Variants in PDLIM5 observed in about 807,000 individuals in gnomAD.
PDLIM5 encodes the protein PDZ and LIM domain protein 5.
A neutral mutation model predicts 64.2 loss-of-function variants in PDLIM5; 34 were observed. The observed-to-expected ratio is 0.53, with a 90% CI of 0.40 to 0.71. The LOEUF (loss-of-function observed/expected upper bound fraction) is 0.71. Among genes scored for constraint, PDLIM5 ranks in the 30% least tolerant of loss-of-function variants. The pLI is 0.00. For missense variants in PDLIM5, 683 were observed against 733.6 expected, an observed-to-expected ratio of 0.93 and a Z score of 0.80; for synonymous variants, 253 against 269.1, an observed-to-expected ratio of 0.94 and a Z score of 0.59.
At chr4:94,502,812 G>C (rs1172569109) in intron 2 of PDLIM5, among the ~76,000 whole-genome samples, 1 of 152,018 alleles carries the variant, frequency 6.6e-6, no homozygotes, top group African/African-American at 2.4e-5. Context: ...AGGAGGCAGA[G>C]GTTGCAGTGA....
intron 2 of PDLIM5, among the ~76,000 whole-genome samples, chr4:94,462,482 C>A (rs1723986578): frequency 6.6e-6 from 1 of 151,798 alleles, no homozygotes; most frequent in Non-Finnish European, 1.5e-5. Context: ...TAAATCAGTT[C>A]CTATTGATAG....
Position 94,573,410 on chromosome 4 carries a change from G to C in PDLIM5, c.291+17G>C, listed in dbSNP as rs777423811. The C allele has an allele frequency of 6.3e-7, 1 of 1,596,318 alleles. No homozygotes were observed. Among genetic ancestry groups the C allele is most frequent in the Non-Finnish European group, 8.6e-7 (1 of 1,164,242 alleles). Reference sequence around the variant, plus strand: ...GTTCAAAAGGTGTGTTTTTAAGCTAGCACCCAGAGTATCACTTGATTGTCC... The same window carrying C: ...GTTCAAAAGGTGTGTTTTTAAGCTACCACCCAGAGTATCACTTGATTGTCC... On this transcript the variant is annotated intron_variant, in intron 4 of 12. Coordinates refer to ENST00000317968, the MANE Select transcript of PDLIM5 (RefSeq NM_006457.5).
At chr4:94,625,396 TTGATA>T (rs1212985540) in intron 8 of PDLIM5, among the ~76,000 whole-genome samples, 1 of 152,130 alleles carries the variant, frequency 6.6e-6, no homozygotes, top group Non-Finnish European at 1.5e-5. Context: ...TTGATATTAG[TTGATA>T]TGATATTATG....
chr4:94,504,582 G>A (rs1040490067), intron 2 of PDLIM5, among the ~76,000 whole-genome samples: 1 of 152,168 alleles, frequency 6.6e-6, no homozygotes, highest in African/African-American at 2.4e-5. Context: ...GCCGTGCCTG[G>A]CCCGTTACGC....
At chr4:94,545,769 T>C (rs1732256821) in intron 3 of PDLIM5, among the ~76,000 whole-genome samples, 2 of 152,230 alleles carry the variant, frequency 1.3e-5, no homozygotes, top group Non-Finnish European at 2.9e-5. Context: ...TATTGTTGTG[T>C]GCATTTCACA....
chr4:94,544,738 C>T (rs144864579), intron 3 of PDLIM5, among the ~76,000 whole-genome samples: 3 of 152,322 alleles, frequency 2.0e-5, no homozygotes, highest in African/African-American at 7.2e-5. Context: ...TCACTACAAC[C>T]TCCGCCTCTC....
intron 3 of PDLIM5, among the ~76,000 whole-genome samples, chr4:94,546,235 G>C (rs920255877): frequency 3.9e-5 from 6 of 152,072 alleles, no homozygotes; most frequent in African/African-American, 1.4e-4. Context: ...TGTCAGTACT[G>C]TCCCTGGTTA....
intron 3 of PDLIM5, among the ~76,000 whole-genome samples, chr4:94,528,627 T>C (rs1730585007): frequency 6.6e-6 from 1 of 152,220 alleles, no homozygotes; most frequent in South Asian, 2.1e-4. Flanking sequence ...TTCTGAACTC[T>C]TACTATGTGC....
chr4:94,615,476 CAG>C (rs1272560598), intron 7 of PDLIM5, among the ~76,000 whole-genome samples: 1 of 151,412 alleles, frequency 6.6e-6, no homozygotes, highest in Non-Finnish European at 1.5e-5. Flanking sequence ...TGGATGGGTG[CAG>C]AGAGAGAGTA....
At chr4:94,501,756 T>G (rs1375486071) in intron 2 of PDLIM5, among the ~76,000 whole-genome samples, 1 of 152,188 alleles carries the variant, frequency 6.6e-6, no homozygotes, top group Non-Finnish European at 1.5e-5. Flanking sequence ...TATTCCTCCC[T>G]CACTCAACCA....
intron 7 of PDLIM5, among the ~76,000 whole-genome samples, chr4:94,586,780 G>A (rs1234051046): frequency 2.0e-5 from 3 of 152,130 alleles, no homozygotes; most frequent in African/African-American, 7.2e-5. Context: ...AAAAATGTAT[G>A]TTTCCAAGAG....
At position 94,667,636 on chromosome 4, in the gene PDLIM5, A is replaced by G. The variant is rs572455659; in HGVS notation, c.*3569A>G. The G allele has an allele frequency of 2.0e-5, 3 of 152,316 alleles. No homozygotes were observed. The highest frequency in any genetic ancestry group is 1.3e-4 in the Admixed American group (2 of 15,306). 9.4% of individuals were successfully genotyped at this position (152,316 alleles called of 1,614,324 possible). A position where few individuals can be genotyped will look rare whatever the true frequency, so the allele number is the denominator to read the frequency against. On this transcript the variant is annotated 3_prime_UTR_variant, in exon 13 of 13. Coordinates refer to ENST00000317968, the MANE Select transcript of PDLIM5 (RefSeq NM_006457.5). ...CCCATAGGGGCACCATAGGACAACT[A>G]TAGTACCGTGTTTATTTCCTATTAA... is the stretch of plus-strand genomic sequence containing the variant.
At chr4:94,563,092 A>G (rs147598289) in intron 3 of PDLIM5, among the ~76,000 whole-genome samples, 5 of 152,316 alleles carry the variant, frequency 3.3e-5, no homozygotes, top group Non-Finnish European at 7.4e-5. Flanking sequence ...CAGTTCTGTG[A>G]TGGTATAAAT....
intron 3 of PDLIM5, among the ~76,000 whole-genome samples, chr4:94,529,117 G>A (rs1418616504): frequency 6.6e-6 from 1 of 152,184 alleles, no homozygotes; most frequent in Non-Finnish European, 1.5e-5. Context: ...AAGTTTTCCA[G>A]GGCCTATGAA....
chr4:94,455,504 C>G, intron 2 of PDLIM5, 120 bp downstream of exon 2: 1 of 753,458 alleles, frequency 1.3e-6, no homozygotes, highest in South Asian at 1.6e-5. Flanking sequence ...GGGATTTGAT[C>G]TTGGCAAATT....
At chr4:94,526,519 G>A (rs1730366379) in intron 3 of PDLIM5, among the ~76,000 whole-genome samples, 2 of 152,108 alleles carry the variant, frequency 1.3e-5, no homozygotes, top group African/African-American at 4.8e-5. Flanking sequence ...CTTGTGTTAG[G>A]TAATGTCAGC....
intron 7 of PDLIM5, among the ~76,000 whole-genome samples, chr4:94,604,421 G>T (rs578250936): frequency 6.6e-6 from 1 of 152,248 alleles, no homozygotes; most frequent in Admixed American, 6.5e-5. Flanking sequence ...ATCACTGGAG[G>T]TCGGGAGTTC....
At chr4:94,605,304 C>A (rs549952781) in intron 7 of PDLIM5, among the ~76,000 whole-genome samples, 2 of 152,292 alleles carry the variant, frequency 1.3e-5, no homozygotes, top group East Asian at 3.9e-4. Flanking sequence ...ACCTGATTTG[C>A]TGGACAGATT....
In PDLIM5 at chr4:94,654,640, A is replaced by C. The variant is rs747739092; in HGVS notation, c.1464A>C (p.Gly488=). ...GTCGATGCCAAAGGAAGATCCTTGG[A>C]GTAAGTATTGGAAACGTTTTTATTC... ...ECGRCQRKIL[G]EVISALKQTW... is the part of the protein sequence containing the mutation. The change falls in exon 10 of 13, where the codon GGA becomes GGC. Residue 488 remains glycine, a splice_region_variant and synonymous_variant. Coordinates refer to ENST00000317968, the MANE Select transcript of PDLIM5 (RefSeq NM_006457.5). 1 of 1,593,662 alleles carries C rather than the reference A, an allele frequency of 6.3e-7. No individual in the cohort carries two copies. Among genetic ancestry groups the C allele is most frequent in the Non-Finnish European group, 8.6e-7 (1 of 1,163,390 alleles).
Sources: gnomAD v4.1 joint callset for allele counts (sites outside exome capture counted in the v4.1 genomes callset) on GRCh38, gnomAD v4.1.1 for gene constraint, MANE v1.5 for transcripts, NCBI Gene and HGNC (gene_info 2026-07-23, HGNC 2026-07-21) for gene names.